The following ELP4 variants were observed in gnomAD, a reference collection of about 807,000 sequenced individuals.
ELP4 encodes the protein elongator complex protein 4.
ELP4 carries 51 observed loss-of-function variants against 48.9 expected under a neutral mutation model. The observed-to-expected ratio is 1.04, with a 90% CI of 0.83 to 1.32. The LOEUF (loss-of-function observed/expected upper bound fraction) is 1.32. Ranked by LOEUF, ELP4 falls within the 40% of genes most tolerant of loss-of-function variation. ELP4 has a pLI of 0.00. For synonymous variants in ELP4, 210 were observed against 189.2 expected (o/e 1.11, Z -0.90); for missense variants, 519 against 514.6 (o/e 1.01, Z -0.08).
intron 9 of ELP4, among the ~76,000 whole-genome samples, chr11:31,677,909 G>T (rs954366204): frequency 3.3e-5 from 5 of 152,094 alleles, no homozygotes; most frequent in Non-Finnish European, 7.4e-5. Context: ...TTGACATTCT[G>T]TGGATCTTGA....
intron 9 of ELP4, among the ~76,000 whole-genome samples, chr11:31,705,692 A>G (rs1393054476): frequency 6.6e-6 from 1 of 152,224 alleles, no homozygotes; most frequent in Non-Finnish European, 1.5e-5. Context: ...TAAAGGAAAA[A>G]GTGGACCACC....
intron 3 of ELP4, among the ~76,000 whole-genome samples, chr11:31,576,121 A>T (rs763861948): frequency 2.0e-5 from 3 of 152,218 alleles, no homozygotes; most frequent in Non-Finnish European, 4.4e-5. Flanking sequence ...GGAAAACAAA[A>T]ATAGGCAGGG....
intron 7 of ELP4, among the ~76,000 whole-genome samples, chr11:31,640,779 C>T (rs966049522): frequency 3.9e-5 from 6 of 151,938 alleles, no homozygotes; most frequent in African/African-American, 1.4e-4. Flanking sequence ...AATTGACCTA[C>T]AGGTTTAATA....
At chr11:31,652,631 TA>T (rs1435340327) in intron 9 of ELP4, 1 of 151,804 alleles carries the variant, frequency 6.6e-6, no homozygotes, top group Admixed American at 6.6e-5. Flanking sequence ...AATGTAACCT[TA>T]CTAGCCTGTA....
Position 31,559,846 on chromosome 11 carries a change from C to T in ELP4, c.381+20063C>T, listed in dbSNP as rs546977283. Among the ~76,000 whole-genome samples, 5 of 148,638 alleles carry T rather than the reference C, an allele frequency of 3.4e-5. No individual in the cohort carries two copies. In the South Asian group the frequency reaches 8.5e-4, roughly 25 times the overall value. ...TGAATCCAGGAGGCAGAGGTTGCGG[C>T]GAGCTGAGATTGCGCCATTGCACTC... On this transcript the variant is annotated intron_variant, in intron 3 of 9. Transcript: ENST00000640961.
chr11:31,633,115 C>G (rs980259090), intron 7 of ELP4: 8 of 151,894 alleles, frequency 5.3e-5, no homozygotes, highest in Non-Finnish European at 1.0e-4. Flanking sequence ...CTAGGCTTTT[C>G]CTAGATATTC....
rs182191335 is a variant in ELP4 at position 31,513,306 on chromosome 11, T to G, written c.223+3299T>G. Among the ~76,000 whole-genome samples, 242 of 152,254 alleles carry G rather than the reference T, an allele frequency of 1.6e-3. 2 individuals carry two copies. The highest frequency in any genetic ancestry group is 3.4e-3 in the Admixed American group (52 of 15,292). ...ATTTTGATTCTCATGTTTGTCCAGC[T>G]AATAATTGTGTCATAATGAAGAGTA... On this transcript the variant is annotated intron_variant, in intron 1 of 9. Coordinates refer to ENST00000640961, the MANE Select transcript of ELP4 (RefSeq NM_019040.5).
At chr11:31,684,223 A>G (rs1946115079) in intron 9 of ELP4, among the ~76,000 whole-genome samples, 1 of 152,018 alleles carries the variant, frequency 6.6e-6, no homozygotes, top group Non-Finnish European at 1.5e-5. Flanking sequence ...TCTTAAAAAA[A>G]AAAACCAGAA....
intron 5 of ELP4, among the ~76,000 whole-genome samples, chr11:31,623,377 ATATATATATATAT>A (rs1565084197): frequency 5.2e-5 from 6 of 115,942 alleles, no homozygotes; most frequent in African/African-American, 1.4e-4. Flanking sequence ...ATATATATAT[ATATATATATATAT>A]AAAACTAGAA....
At chr11:31,560,684 A>ATTGTTTTATATATGTATAAAACAACG (rs1957005212) in intron 3 of ELP4, among the ~76,000 whole-genome samples, 1 of 108,802 alleles carries the variant, frequency 9.2e-6, no homozygotes, top group Non-Finnish European at 2.0e-5. Flanking sequence ...TAAAGACCAC[A>ATTGTTTTATATATGTATAAAACAACG]TTGTTTTATA....
In ELP4 at chr11:31,611,671, T is replaced by G. The variant is rs73462950; in HGVS notation, c.653+7764T>G. Among the ~76,000 whole-genome samples the G allele has an allele frequency of 4.3e-3, 648 of 152,362 alleles. 5 individuals are homozygous for G. The highest frequency in any genetic ancestry group is 0.015 in the African/African-American group (610 of 41,590). On this transcript the variant is annotated intron_variant, in intron 5 of 9. Transcript: ENST00000640961. The stretch of plus-strand genomic sequence containing the variant: ...CCAAATCTCAACACCGTCTATGAAC[T>G]TGAGCACCTGCTATGAGCCCAGCAT...
At chr11:31,537,355 T>C (rs994743284) in intron 2 of ELP4, among the ~76,000 whole-genome samples, 5 of 152,208 alleles carry the variant, frequency 3.3e-5, no homozygotes, top group Non-Finnish European at 4.4e-5. Context: ...TCCACTGATA[T>C]ATATTTCTGT....
chr11:31,678,929 G>C (rs1216479981), intron 9 of ELP4, among the ~76,000 whole-genome samples: 1 of 152,130 alleles, frequency 6.6e-6, no homozygotes, highest in Non-Finnish European at 1.5e-5. Context: ...GGTGTTATCA[G>C]TGTTTTTGGA....
intron 9 of ELP4, among the ~76,000 whole-genome samples, chr11:31,657,753 C>T (rs1034808694): frequency 3.9e-5 from 6 of 151,910 alleles, no homozygotes; most frequent in African/African-American, 1.4e-4. Flanking sequence ...CAAAGTCATA[C>T]ATCTGTGGTT....
chr11:31,528,809 A>T (rs1192187995), intron 2 of ELP4, among the ~76,000 whole-genome samples: 1 of 152,152 alleles, frequency 6.6e-6, no homozygotes, highest in African/African-American at 2.4e-5. Context: ...ACTAGTGAAA[A>T]ACCCAAGGCA....
At chr11:31,613,323 A>G (rs1264457164) in intron 5 of ELP4, among the ~76,000 whole-genome samples, 2 of 152,206 alleles carry the variant, frequency 1.3e-5, no homozygotes, top group South Asian at 4.1e-4. Flanking sequence ...CCAAAAACCT[A>G]GTGATATGCA....
intron 3 of ELP4, among the ~76,000 whole-genome samples, chr11:31,593,380 T>C (rs559267587): frequency 2.7e-4 from 41 of 152,128 alleles, no homozygotes; most frequent in African/African-American, 8.9e-4. Context: ...TAGTTGGCAC[T>C]ACAGCCATGT....
chr11:31,705,178 C>T (rs927377990), intron 9 of ELP4, among the ~76,000 whole-genome samples: 1 of 151,914 alleles, frequency 6.6e-6, no homozygotes, highest in Admixed American at 6.6e-5. Context: ...CTGGGAAGTC[C>T]AAGAGCATGG....
rs1423521576 is a variant in ELP4 at position 31,785,377 on chromosome 11, T to C, written c.*1853T>C. The stretch of plus-strand genomic sequence containing the variant: ...AAAAGAGATACGAGGTCATCAGATA[T>C]GTAAATTGCTTGTCAAAATACTTAA... On this transcript the variant is annotated 3_prime_UTR_variant, in exon 10 of 10. Transcript: ENST00000640961. 1 of 185,716 alleles carries C rather than the reference T, an allele frequency of 5.4e-6. No individual in the cohort carries two copies. The highest frequency in any genetic ancestry group is 2.3e-5 in the African/African-American group (1 of 42,772). The allele number at this position is 185,716 out of a possible 1,614,324, so 11.5% of individuals were successfully genotyped here. A position where few individuals can be genotyped will look rare whatever the true frequency, so the allele number is the denominator to read the frequency against.
Sources: gnomAD v4.1 joint callset for allele counts (sites outside exome capture counted in the v4.1 genomes callset) on GRCh38, gnomAD v4.1.1 for gene constraint, MANE v1.5 for transcripts, NCBI Gene and HGNC (gene_info 2026-07-23, HGNC 2026-07-21) for gene names.